The following FRMD7 variants were observed in gnomAD, a reference collection of about 807,000 sequenced individuals.
The protein encoded by FRMD7 is FERM domain-containing protein 7.
FRMD7 carries 14 observed loss-of-function variants against 44.1 expected under a neutral mutation model. The observed-to-expected ratio is 0.32, with a 90% CI of 0.21 to 0.50. FRMD7 has a LOEUF of 0.50. Among genes scored for constraint, FRMD7 ranks in the 20% least tolerant of loss-of-function variants. FRMD7 has a pLI of 0.99. For missense variants in FRMD7, 501 were observed against 522.3 expected (o/e 0.96, Z 0.40); for synonymous variants, 212 against 187.4 (o/e 1.13, Z -1.07).
intron 1 of FRMD7, among the ~76,000 whole-genome samples, chrX:132,101,412 A>G (rs910088948): frequency 1.8e-5 from 2 of 112,253 alleles, no homozygotes; most frequent in African/African-American, 6.5e-5. Context: ...AATCCCTATC[A>G]GCCGCAGGCT....
At chrX:132,105,127 A>G (rs1449828262) in intron 1 of FRMD7, among the ~76,000 whole-genome samples, 2 of 111,879 alleles carry the variant, frequency 1.8e-5, no homozygotes, top group African/African-American at 6.5e-5. Context: ...TTCCACATTA[A>G]ATAAACCAAG....
At chrX:132,088,985 T>C (rs1427166630) in intron 5 of FRMD7, among the ~76,000 whole-genome samples, 2 of 112,083 alleles carry the variant, frequency 1.8e-5, no homozygotes, top group African/African-American at 3.2e-5. Context: ...AAAATAGAAA[T>C]TGACAAATGA....
chrX:132,094,016 A>G (rs1377047527), intron 5 of FRMD7, 26 bp downstream of exon 5: 1 of 957,386 alleles, frequency 1.0e-6, no homozygotes, highest in South Asian at 1.9e-5. Flanking sequence ...GATAGGTCCC[A>G]AAGCAGACAG....
chrX:132,106,837 CAAAG>C (rs1435501388), intron 1 of FRMD7, among the ~76,000 whole-genome samples: 1 of 111,496 alleles, frequency 9.0e-6, no homozygotes, highest in Non-Finnish European at 1.9e-5. Context: ...ATTATGAACA[CAAAG>C]AAGGAAACAA....
chrX:132,127,961 T>A lies in FRMD7; in HGVS notation c.-117A>T. 1 of 609,214 alleles carries A rather than the reference T, an allele frequency of 1.6e-6. No homozygotes were observed. Among genetic ancestry groups the A allele is most frequent in the African/African-American group, 2.2e-5 (1 of 45,827 alleles). The allele number at this position is 609,214 out of a possible 1,213,427, so 50.2% of individuals were successfully genotyped here. On this transcript the variant is annotated 5_prime_UTR_variant, in exon 1 of 12. Coordinates refer to ENST00000298542, the MANE Select transcript of FRMD7 (RefSeq NM_194277.3). The stretch of plus-strand genomic sequence containing the variant: ...GGCCCCCCCACCCCCAGCCAGGCAT[T>A]CCCACTGTCAGCGGGGCACACTTCC...
intron 1 of FRMD7, among the ~76,000 whole-genome samples, chrX:132,106,949 T>C (rs1269011858): frequency 9.0e-6 from 1 of 111,450 alleles, no homozygotes; most frequent in East Asian, 2.8e-4. Flanking sequence ...GGTGATGAAA[T>C]AATCTGTACA....
At chrX:132,101,186 C>T (rs1343840499) in intron 1 of FRMD7, among the ~76,000 whole-genome samples, 2 of 110,580 alleles carry the variant, frequency 1.8e-5, no homozygotes, top group African/African-American at 6.6e-5. Context: ...CCTCCTGTGG[C>T]CATGCCTGCG....
chrX:132,096,409 C>G (rs1446275697), intron 4 of FRMD7, among the ~76,000 whole-genome samples: 1 of 110,618 alleles, frequency 9.0e-6, no homozygotes, highest in Admixed American at 9.7e-5. Context: ...TCTCAGACCT[C>G]TTTCACGTAT....
chrX:132,084,762 G>A (rs993738599), intron 7 of FRMD7, among the ~76,000 whole-genome samples, 177 bp from the exon 8 acceptor site: 1 of 111,610 alleles, frequency 9.0e-6, no homozygotes, highest in Non-Finnish European at 1.9e-5. Flanking sequence ...TTTCAGGTGG[G>A]ATACAAGGAT....
Position 132,085,616 on chromosome X carries a change from G to C in FRMD7, c.610C>G (p.Leu204Val). ...AGTACTCCCATGTGAGCAACAGCCAGGTGAATCTGCATCCCTTCACCATCA... is the reference window on the plus strand; with the variant it reads ...AGTACTCCCATGTGAGCAACAGCCACGTGAATCTGCATCCCTTCACCATCA... The part of the protein sequence containing the change: ...ASDGEGMQIH[L>V]AVAHMGVLVL... Residue 204 changes from leucine to valine, a missense_variant, in exon 7 of 12, where the codon CTG becomes GTG. Physicochemically the swap from Leu to Val is conservative, Grantham distance 32. This residue lies in a region of FRMD7 where 453 missense variants were observed against 452.7 expected (regional missense o/e 1.00). Transcript: ENST00000298542. 8.3e-7 allele frequency: 1 copy of C among 1,211,099 alleles called. No homozygotes were observed. The highest frequency in any genetic ancestry group is 1.1e-6 in the Non-Finnish European group (1 of 894,802).
chrX:132,097,820 CAT>C (rs1928386404), intron 3 of FRMD7, among the ~76,000 whole-genome samples: 1 of 112,532 alleles, frequency 8.9e-6, no homozygotes, highest in Non-Finnish European at 1.9e-5. Context: ...TAAGAAAACA[CAT>C]ATACTTATCT....
intron 1 of FRMD7, among the ~76,000 whole-genome samples, chrX:132,126,926 C>T (rs1398696295): frequency 8.9e-6 from 1 of 112,349 alleles, no homozygotes; most frequent in Non-Finnish European, 1.9e-5. Context: ...TACCCACACA[C>T]ACAACATCAT....
At chrX:132,090,355 A>G (rs989090512) in intron 5 of FRMD7, among the ~76,000 whole-genome samples, 1 of 112,027 alleles carries the variant, frequency 8.9e-6, no homozygotes, top group Non-Finnish European at 1.9e-5. Flanking sequence ...AAATCCATAA[A>G]TGGAATACTG....
intron 1 of FRMD7, among the ~76,000 whole-genome samples, chrX:132,112,178 T>C (rs905703624): frequency 2.7e-5 from 3 of 111,791 alleles, no homozygotes; most frequent in African/African-American, 9.8e-5. Flanking sequence ...GAAAGGGAGC[T>C]CCTTCAGGGC....
chrX:132,078,455 C>T lies in FRMD7; in HGVS notation c.1562G>A (p.Ser521Asn). 8.3e-7 allele frequency: 1 copy of T among 1,211,284 alleles called. No individual in the cohort carries two copies. The highest frequency in any genetic ancestry group is 1.1e-6 in the Non-Finnish European group (1 of 895,261). The change falls in exon 12 of 12, where the codon AGC becomes AAC. Residue 521 changes from serine to asparagine, a missense_variant. Physicochemically the swap from Ser to Asn is conservative, Grantham distance 46. Transcript: ENST00000298542. Reference sequence around the variant, plus strand: ...CTTCATTGCAGTGGGCTCTACATAGCTATGTGGACTTGTCCTTTCCTCTGC... The same window carrying T: ...CTTCATTGCAGTGGGCTCTACATAGTTATGTGGACTTGTCCTTTCCTCTGC... ...IRAEERTSPHSYVEPTAMKPA... is the reference protein window; with the variant it reads ...IRAEERTSPHNYVEPTAMKPA...
At chrX:132,086,531 T>C (rs1179809551) in intron 5 of FRMD7, among the ~76,000 whole-genome samples, 2 of 110,149 alleles carry the variant, frequency 1.8e-5, no homozygotes, top group East Asian at 5.7e-4. Flanking sequence ...CCAATCTGAC[T>C]GGTATCCTTA....
rs1928366889 is a variant in FRMD7, at chrX:132,097,299, A to G, written c.251T>C (p.Val84Ala). 2 of 1,194,163 alleles carry G rather than the reference A, an allele frequency of 1.7e-6. No homozygotes were observed. Among genetic ancestry groups the G allele is most frequent in the South Asian group, 1.8e-5 (1 of 56,445 alleles). ...TTCTTCCCGCAGATGTCCAGGGTCC[A>G]CTGGGAAAAATTTCACCATAAATTT... ...VFKFMVKFFP[V>A]DPGHLREELT... Residue 84 changes from valine to alanine, a missense_variant, in exon 4 of 12, where the codon GTG (valine) becomes GCG (alanine). By Grantham distance (64) the Val-to-Ala change is moderately conservative. Around this residue, in one of 3 missense-constraint regions of FRMD7, gnomAD observed 24 missense variants for 48.0 expected, o/e 0.50. Coordinates refer to ENST00000298542, the MANE Select transcript of FRMD7 (RefSeq NM_194277.3).
Position 132,077,557 on chromosome X carries a change from G to A in FRMD7, c.*315C>T. The A allele has an allele frequency of 3.5e-6, 1 of 282,376 alleles. No individual in the cohort carries two copies. Among genetic ancestry groups the A allele is most frequent in the Admixed American group, 5.6e-5 (1 of 17,916 alleles). The allele number at this position is 282,376 out of a possible 1,213,427, so 23.3% of individuals were successfully genotyped here. A position where few individuals can be genotyped will look rare whatever the true frequency, so the allele number is the denominator to read the frequency against. On this transcript the variant is annotated 3_prime_UTR_variant, in exon 12 of 12. Coordinates refer to ENST00000298542, the MANE Select transcript of FRMD7 (RefSeq NM_194277.3). ...CAACCCATACTGTCACCATTCTTCA[G>A]CATTGAAGAGCCTGACCTTCACTCA...
At chrX:132,110,771 C>T (rs1216185868) in intron 1 of FRMD7, among the ~76,000 whole-genome samples, 2 of 112,317 alleles carry the variant, frequency 1.8e-5, no homozygotes, top group South Asian at 3.7e-4. Context: ...TTCAACACTC[C>T]GTAGCCTTTG....
Sources: allele counts gnomAD v4.1 joint callset (sites outside exome capture counted in the v4.1 genomes callset), GRCh38; gene constraint gnomAD v4.1.1; regional missense constraint gnomAD v4.1.1; transcripts MANE v1.5; gene names NCBI Gene and HGNC (gene_info 2026-07-23, HGNC 2026-07-21).